PLOD2: variants seen among roughly 807,000 people sequenced by gnomAD.
PLOD2 encodes procollagen-lysine,2-oxoglutarate 5-dioxygenase 2, also known as lysine hydroxylase 2.
Under a neutral mutation model 101.0 loss-of-function variants are expected in PLOD2, and 65 were observed. The observed-to-expected ratio is 0.64, with a 90% CI of 0.53 to 0.79. The LOEUF is 0.79. Ranked by LOEUF, PLOD2 falls within the 30% of genes least tolerant of loss-of-function variation. PLOD2 has a pLI of 0.00. For synonymous variants in PLOD2, 314 were observed against 302.9 expected, an observed-to-expected ratio of 1.04 and a Z score of -0.38; for missense variants, 909 against 914.6, an observed-to-expected ratio of 0.99 and a Z score of 0.08.
At position 146,156,170 on chromosome 3, in the gene PLOD2, G is replaced by A. The variant is rs116809878; in HGVS notation, c.109+4711C>T. On this transcript the variant is annotated intron_variant, in intron 1 of 19. Transcript: ENST00000282903. ...AACGCAAAACACCACAGGAATCACC[G>A]GCAAATTCTAAAATGAAAAACAGGT... Among the ~76,000 whole-genome samples, 612 of 152,260 alleles carry A rather than the reference G, an allele frequency of 4.0e-3. 1 individual carries two copies. Among genetic ancestry groups the A allele is most frequent in the African/African-American group, 0.014 (582 of 41,550 alleles).
Position 146,072,576 on chromosome 3 carries a change from A to C in PLOD2, c.1833T>G (p.Ser611=). ...TACAACTTACATGATGTTTTCCCCC[A>C]GACCATTTGCCGTAATGTTCCATTT... ...VEEMEHYGKW[S]GGKHHDSRIS... is the part of the protein sequence containing the mutation. Residue 611 remains serine, a synonymous_variant, in exon 17 of 20, where the codon TCT becomes TCG. Coordinates refer to ENST00000282903, the MANE Select transcript of PLOD2 (RefSeq NM_182943.3). 1 of 1,605,504 alleles carries C rather than the reference A, an allele frequency of 6.2e-7. No homozygotes were observed. Among genetic ancestry groups the C allele is most frequent in the Non-Finnish European group, 8.5e-7 (1 of 1,172,880 alleles).
chr3:146,135,097 A>AT (rs1023307135), intron 1 of PLOD2, among the ~76,000 whole-genome samples: 3 of 152,158 alleles, frequency 2.0e-5, no homozygotes, highest in African/African-American at 7.2e-5. Flanking sequence ...TAATAACATG[A>AT]TTTTTATAGT....
At chr3:146,090,528 C>G (rs949708436) in intron 8 of PLOD2, among the ~76,000 whole-genome samples, 4 of 151,602 alleles carry the variant, frequency 2.6e-5, no homozygotes, top group Admixed American at 2.6e-4. Flanking sequence ...GACAACACTA[C>G]TTTCGGCAAA....
chr3:146,096,193 A>G (rs1426532393), intron 7 of PLOD2, among the ~76,000 whole-genome samples: 4 of 141,234 alleles, frequency 2.8e-5, no homozygotes, highest in African/African-American at 1.1e-4. Context: ...TCAGTGCTCA[A>G]TGGTGCCCAG....
At chr3:146,143,543 T>C (rs1009460317) in intron 1 of PLOD2, among the ~76,000 whole-genome samples, 2 of 152,080 alleles carry the variant, frequency 1.3e-5, no homozygotes, top group Non-Finnish European at 2.9e-5. Flanking sequence ...CCTAGACTAC[T>C]GAAATCATCT....
intron 9 of PLOD2, among the ~76,000 whole-genome samples, chr3:146,087,379 C>A (rs1198604193): frequency 6.6e-6 from 1 of 151,518 alleles, no homozygotes; most frequent in Non-Finnish European, 1.5e-5. Context: ...TACAAAATAC[C>A]CTTTGAAACC....
chr3:146,096,811 T>C (rs1937184480), intron 7 of PLOD2, among the ~76,000 whole-genome samples: 1 of 138,350 alleles, frequency 7.2e-6, no homozygotes, highest in African/African-American at 2.7e-5. Flanking sequence ...GGGGCTCCTC[T>C]GCCCGGCCGC....
chr3:146,102,857 G>A lies in PLOD2; in HGVS notation c.680-5C>T, dbSNP rs1937436810. 7 of 1,456,192 alleles carry A rather than the reference G, an allele frequency of 4.8e-6. No homozygotes were observed. The highest frequency in any genetic ancestry group is 1.1e-5 in the South Asian group (1 of 87,742). The allele number at this position is 1,456,192 out of a possible 1,614,324, so 90.2% of individuals were successfully genotyped here. On this transcript the variant is annotated splice_region_variant and splice_polypyrimidine_tract_variant and intron_variant, in intron 6 of 19. Coordinates refer to ENST00000282903, the MANE Select transcript of PLOD2 (RefSeq NM_182943.3). The stretch of plus-strand genomic sequence containing the variant: ...CAAATTTTAAAACAACTTCATCTGG[G>A]TTAAAAAGAGAAAATAGGCTTTAGT...
At chr3:146,115,814 A>G (rs1194676958) in intron 3 of PLOD2, among the ~76,000 whole-genome samples, 5 of 152,290 alleles carry the variant, frequency 3.3e-5, no homozygotes, top group Non-Finnish European at 5.9e-5. Flanking sequence ...TGATGACCAT[A>G]TTGTCTGTCA....
At position 146,076,938 on chromosome 3, in the gene PLOD2, C is replaced by T. The variant is rs552693350; in HGVS notation, c.1564-43G>A. The T allele has an allele frequency of 1.7e-4, 238 of 1,406,048 alleles. 4 individuals carry two copies. In the South Asian group the frequency reaches 2.7e-3, roughly 16 times the overall value. 87.1% of individuals were successfully genotyped at this position (1,406,048 alleles called of 1,614,324 possible). A position where few individuals can be genotyped will look rare whatever the true frequency, so the allele number is the denominator to read the frequency against. On this transcript the variant is annotated intron_variant, in intron 14 of 19. Transcript: ENST00000282903. ...ACAGTATTAATCTTAGAGGTAGGTA[C>T]AAAAGTAAATTTAATCATAGGAAAA...
At chr3:146,160,655 A>C in intron 1 of PLOD2, 1 of 548,088 alleles carries the variant, frequency 1.8e-6, no homozygotes, top group Non-Finnish European at 3.2e-6. Flanking sequence ...GGGCACGCTG[A>C]GTTCACCGAG....
chr3:146,109,919 T>C (rs1478095480), intron 4 of PLOD2, among the ~76,000 whole-genome samples: 1 of 152,016 alleles, frequency 6.6e-6, no homozygotes, highest in Non-Finnish European at 1.5e-5. Context: ...CTGAGAATAA[T>C]TTTTTTTCAA....
chr3:146,082,622 G>A (rs1936597701), intron 11 of PLOD2, among the ~76,000 whole-genome samples: 1 of 152,192 alleles, frequency 6.6e-6, no homozygotes, highest in Admixed American at 6.5e-5. Context: ...GCCCGGCGCA[G>A]TGGCTCATGC....
chr3:146,125,118 A>C (rs1450513153), intron 1 of PLOD2, among the ~76,000 whole-genome samples: 1 of 152,090 alleles, frequency 6.6e-6, no homozygotes, highest in Admixed American at 6.6e-5. Context: ...AGAAGGACCT[A>C]CACACTAAGA....
At chr3:146,082,465 C>A (rs985870196) in intron 11 of PLOD2, among the ~76,000 whole-genome samples, 2 of 152,156 alleles carry the variant, frequency 1.3e-5, no homozygotes, top group Non-Finnish European at 2.9e-5. Context: ...CAACACTGAA[C>A]TTTCCTTTAA....
At chr3:146,092,006 T>C (rs921110272) in intron 7 of PLOD2, 105 bp from the exon 8 acceptor site, 4 of 702,120 alleles carry the variant, frequency 5.7e-6, no homozygotes, top group African/African-American at 3.5e-5. Flanking sequence ...AGCAGGTATA[T>C]TCCTTTAGTA....
intron 15 of PLOD2, among the ~76,000 whole-genome samples, chr3:146,074,435 T>C (rs1936259201): frequency 6.6e-6 from 1 of 151,538 alleles, no homozygotes. Context: ...ATTTATACCA[T>C]AATTTATGTC....
chr3:146,092,632 T>A (rs1372477344), intron 7 of PLOD2, among the ~76,000 whole-genome samples: 1 of 152,068 alleles, frequency 6.6e-6, no homozygotes, highest in African/African-American at 2.4e-5. Context: ...GTATCTGTTC[T>A]TAAACAGCTA....
At chr3:146,095,906 CT>C (rs1937137450) in intron 7 of PLOD2, among the ~76,000 whole-genome samples, 1 of 100,656 alleles carries the variant, frequency 9.9e-6, no homozygotes, top group Admixed American at 1.0e-4. Context: ...CCCCTCCCCC[CT>C]CTCCCTCCAC....
Sources: allele counts gnomAD v4.1 joint callset (sites outside exome capture counted in the v4.1 genomes callset), GRCh38; gene constraint gnomAD v4.1.1; transcripts MANE v1.5; gene names NCBI Gene and HGNC (gene_info 2026-07-23, HGNC 2026-07-21).